Variants in CHD7 observed in about 807,000 individuals in gnomAD.
The protein encoded by CHD7 is ATP-dependent chromatin remodeler CHD7.
CHD7 carries 24 observed loss-of-function variants against 307.3 expected under a neutral mutation model. The ratio of observed to expected loss-of-function variants is 0.08; its 90% CI spans 0.06 to 0.11. The LOEUF (loss-of-function observed/expected upper bound fraction) is 0.11. Among genes scored for constraint, CHD7 ranks in the 10% least tolerant of loss-of-function variants. The pLI, the probability that CHD7 is intolerant of heterozygous loss-of-function variation, is 1.00. For synonymous variants in CHD7, 1,363 were observed against 1,349.9 expected (o/e 1.01, Z -0.21); for missense variants, 3,106 against 3,727.1 (o/e 0.83, Z 4.34).
intron 3 of CHD7, among the ~76,000 whole-genome samples, chr8:60,791,437 C>A (rs1243445859): frequency 6.6e-6 from 1 of 152,302 alleles, no homozygotes; most frequent in East Asian, 1.9e-4. Context: ...GTGGCCTTAT[C>A]TTCAATATTG....
intron 3 of CHD7, among the ~76,000 whole-genome samples, chr8:60,784,959 G>C (rs1811427542): frequency 6.6e-6 from 1 of 152,016 alleles, no homozygotes; most frequent in Non-Finnish European, 1.5e-5. Flanking sequence ...GTTCTCCCCA[G>C]TTGTCCTTAC....
chr8:60,718,143 T>G (rs996113385), intron 1 of CHD7, among the ~76,000 whole-genome samples: 4 of 152,172 alleles, frequency 2.6e-5, no homozygotes, highest in Non-Finnish European at 1.5e-5. Context: ...CCAACCTGTG[T>G]AGGTCTAGGC....
At chr8:60,706,993 C>A (rs1482880405) in intron 1 of CHD7, among the ~76,000 whole-genome samples, 1 of 152,066 alleles carries the variant, frequency 6.6e-6, no homozygotes, top group African/African-American at 2.4e-5. Flanking sequence ...CGACAGGCCC[C>A]GGTGTGTGAT....
chr8:60,694,808 C>T (rs1806383892), intron 1 of CHD7, among the ~76,000 whole-genome samples: 1 of 152,152 alleles, frequency 6.6e-6, no homozygotes, highest in African/African-American at 2.4e-5. Flanking sequence ...GGGAGAGGGG[C>T]AGCAGGTTGG....
chr8:60,697,280 A>G (rs942197045), intron 1 of CHD7, among the ~76,000 whole-genome samples: 1 of 152,200 alleles, frequency 6.6e-6, no homozygotes, highest in East Asian at 1.9e-4. Context: ...GAAGAAACAC[A>G]TTTGAGCTGC....
intron 2 of CHD7, among the ~76,000 whole-genome samples, chr8:60,765,583 G>A (rs1357418882): frequency 6.6e-6 from 1 of 152,214 alleles, no homozygotes; most frequent in African/African-American, 2.4e-5. Flanking sequence ...ATTCTAGGCA[G>A]GAGGAATGAT....
At position 60,687,589 on chromosome 8, in the gene CHD7, G is replaced by T. The variant is rs529965723; in HGVS notation, c.-175+8507G>T. 6.6e-5 allele frequency among the ~76,000 whole-genome samples: 10 copies of T among 152,268 alleles called. No homozygotes were observed. In the South Asian group the frequency reaches 1.9e-3, roughly 28 times the overall value. ...CAGTGTACCCCACCCTGAAGTATATGTTGGGCCAATCAAGTAAAATAGTGC... is the reference window on the plus strand; with the variant it reads ...CAGTGTACCCCACCCTGAAGTATATTTTGGGCCAATCAAGTAAAATAGTGC... On this transcript the variant is annotated intron_variant, in intron 1 of 37. Coordinates refer to ENST00000423902, the MANE Select transcript of CHD7 (RefSeq NM_017780.4).
chr8:60,716,313 T>C (rs773999576), intron 1 of CHD7, among the ~76,000 whole-genome samples: 1 of 152,236 alleles, frequency 6.6e-6, no homozygotes, highest in Non-Finnish European at 1.5e-5. Flanking sequence ...CCTCCTCTGC[T>C]GAAAGCAGTT....
intron 6 of CHD7, among the ~76,000 whole-genome samples, chr8:60,803,734 CTT>C (rs1431680300): frequency 2.0e-5 from 3 of 152,198 alleles, no homozygotes; most frequent in Non-Finnish European, 4.4e-5. Context: ...CAGGTGCTAA[CTT>C]TTTAAACTGC....
chr8:60,712,807 TGGGAGGCTGAGTG>T (rs1051155552), intron 1 of CHD7, among the ~76,000 whole-genome samples: 9 of 151,988 alleles, frequency 5.9e-5, no homozygotes, highest in African/African-American at 1.9e-4. Flanking sequence ...CCCAGCACTT[TGGGAGGCTGAGTG>T]GGGAGGATCA....
chr8:60,685,130 C>G (rs16926382), intron 1 of CHD7, among the ~76,000 whole-genome samples: 19,060 of 152,126 alleles, frequency 0.13, 1,282 homozygotes, highest in East Asian at 0.19. Flanking sequence ...CTCATGAGTT[C>G]TTGTAGCATA....
chr8:60,852,418 T>G, intron 29 of CHD7, 80 bp from the exon 30 acceptor site: 1 of 1,413,102 alleles, frequency 7.1e-7, no homozygotes, highest in Non-Finnish European at 9.7e-7. Context: ...GTATAAAGTC[T>G]GGGGGGAAGA....
At chr8:60,860,210 G>A (rs1805906063) in intron 34 of CHD7, among the ~76,000 whole-genome samples, 1 of 152,184 alleles carries the variant, frequency 6.6e-6, no homozygotes, top group African/African-American at 2.4e-5. Flanking sequence ...CTGGCTTTTA[G>A]AAATTCCTTT....
At chr8:60,785,234 C>T (rs1811440415) in intron 3 of CHD7, among the ~76,000 whole-genome samples, 1 of 152,174 alleles carries the variant, frequency 6.6e-6, no homozygotes, top group South Asian at 2.1e-4. Context: ...AAGAAGGGAA[C>T]TTGGCCAAAG....
chr8:60,781,116 A>C lies in CHD7; in HGVS notation c.1782A>C (p.Pro594=). 6.2e-7 allele frequency: 1 copy of C among 1,611,116 alleles called. No homozygotes were observed. Among genetic ancestry groups the C allele is most frequent in the East Asian group, 2.2e-5 (1 of 44,822 alleles). ...DDYLPSIEQQ[P]QQKKKKKKNN... The stretch of plus-strand genomic sequence containing the variant: ...ACCTGCCATCAATAGAACAGCAGCC[A>C]CAACAAAAGAAGAAGAAAAAGAAAA... The change falls in exon 3 of 38, where the codon CCA becomes CCC. Residue 594 remains proline, a synonymous_variant. Transcript: ENST00000423902.
At chr8:60,727,268 A>G (rs898154282) in intron 1 of CHD7, among the ~76,000 whole-genome samples, 2 of 152,082 alleles carry the variant, frequency 1.3e-5, no homozygotes, top group African/African-American at 4.8e-5. Context: ...CTGGGACTAC[A>G]GGCATTTGCC....
At chr8:60,759,425 C>G (rs1038926899) in intron 2 of CHD7, among the ~76,000 whole-genome samples, 2 of 151,628 alleles carry the variant, frequency 1.3e-5, no homozygotes, top group African/African-American at 4.9e-5. Context: ...TTCTCCCTCT[C>G]CCTCTCTCCC....
chr8:60,831,061 T>TA (rs1383743716), intron 15 of CHD7, among the ~76,000 whole-genome samples: 1 of 152,194 alleles, frequency 6.6e-6, no homozygotes, highest in Non-Finnish European at 1.5e-5. Context: ...ACAAAAAAAT[T>TA]AACTTAAAGC....
At chr8:60,807,871 C>T (rs974069958) in intron 6 of CHD7, among the ~76,000 whole-genome samples, 2 of 152,204 alleles carry the variant, frequency 1.3e-5, no homozygotes, top group Non-Finnish European at 1.5e-5. Flanking sequence ...TTGGCTGCTG[C>T]CTGAGAAAAT....
Sources: allele counts gnomAD v4.1 joint callset (sites outside exome capture counted in the v4.1 genomes callset), GRCh38; gene constraint gnomAD v4.1.1; transcripts MANE v1.5; gene names NCBI Gene and HGNC (gene_info 2026-07-23, HGNC 2026-07-21).